SIN3B: variants seen among roughly 807,000 people sequenced by gnomAD.
The protein encoded by SIN3B is paired amphipathic helix protein Sin3b.
In SIN3B, 19 loss-of-function variants were observed where a neutral mutation model predicts 120.2. The observed-to-expected ratio is 0.16, with a 90% confidence interval of 0.11 to 0.23. SIN3B has a LOEUF of 0.23. Ranked by LOEUF, SIN3B falls within the 10% of genes least tolerant of loss-of-function variation. The probability of loss-of-function intolerance (pLI) is 1.00; values close to 1 mark genes in which losing one functional copy is unlikely to be tolerated. For synonymous variants in SIN3B, 654 were observed against 653.2 expected (o/e 1.00, Z -0.02); for missense variants, 1,073 against 1,573.0 (o/e 0.68, Z 5.38).
At chr19:16,829,717 C>T in intron 1 of SIN3B, 74 bp from the exon 2 acceptor site, 18 of 1,366,786 alleles carry the variant, frequency 1.3e-5, no homozygotes, top group Non-Finnish European at 1.7e-5. Flanking sequence ...CCATCCCCTT[C>T]CCCTCAGGGA....
chr19:16,841,606 G>T (rs530693756), intron 3 of SIN3B, among the ~76,000 whole-genome samples, 162 bp from the exon 4 acceptor site: 2 of 152,224 alleles, frequency 1.3e-5, no homozygotes, highest in South Asian at 4.1e-4. Context: ...ACCCCGCCCT[G>T]CTTGCCTCCA....
At chr19:16,835,688 T>A (rs1252979365) in intron 3 of SIN3B, among the ~76,000 whole-genome samples, 1 of 151,888 alleles carries the variant, frequency 6.6e-6, no homozygotes, top group Non-Finnish European at 1.5e-5. Flanking sequence ...CCCAGCTAAT[T>A]TTTGTATTTT....
rs1971696343 is a variant in SIN3B at position 16,862,041 on chromosome 19, G to A, written c.1059-311G>A. On this transcript the variant is annotated intron_variant, in intron 8 of 18. Transcript: ENST00000248054. This position sits in a 1 kb window ranked among gnomAD's most constrained non-coding sequence, Gnocchi z 4.7. ...GCCTCTTCCAGTCAGGGAACATCAGGGGTTCCAGCTTCTGCCAGTTTAAGT... is the reference window on the plus strand; with the variant it reads ...GCCTCTTCCAGTCAGGGAACATCAGAGGTTCCAGCTTCTGCCAGTTTAAGT... Among the ~76,000 whole-genome samples the A allele has an allele frequency of 6.6e-6, 1 of 152,196 alleles. No homozygotes were observed. Among genetic ancestry groups the A allele is most frequent in the Non-Finnish European group, 1.5e-5 (1 of 68,042 alleles).
intron 7 of SIN3B, 93 bp from the exon 8 acceptor site, chr19:16,854,050 T>G: frequency 1.2e-6 from 1 of 827,910 alleles, no homozygotes; most frequent in Admixed American, 2.3e-5. Context: ...TTGGTTCCCA[T>G]ATCGCACACC....
rs1355140544 is a variant in SIN3B, at chr19:16,829,659, C to A, written c.120+119C>A. On this transcript the variant is annotated intron_variant, in intron 1 of 18. Transcript: ENST00000248054. Reference sequence around the variant, plus strand: ...CCTCGGCCTCCCCTCTGCACTGCCCCGGACCCCTCACCCCTCACCTCTCAC... The same window carrying A: ...CCTCGGCCTCCCCTCTGCACTGCCCAGGACCCCTCACCCCTCACCTCTCAC... 3.2e-6 allele frequency: 4 copies of A among 1,267,544 alleles called. No homozygotes were observed. The Admixed American group carries it at 1.0e-4, about 33-fold the overall frequency. 78.5% of individuals were successfully genotyped at this position (1,267,544 alleles called of 1,614,324 possible).
At position 16,879,535 on chromosome 19, in the gene SIN3B, C is replaced by T. The variant is rs3184577; in HGVS notation, c.*808C>T. On this transcript the variant is annotated 3_prime_UTR_variant, in exon 19 of 19. Transcript: ENST00000248054. ...GGCACCCTAGGCGTATGTGTATACA[C>T]GCACAGATATTTATTCCTTTCGCTT... The T allele has an allele frequency of 0.12, 18,253 of 152,286 alleles. 1,411 individuals carry two copies. Among genetic ancestry groups the T allele is most frequent in the East Asian group, 0.26 (1,367 of 5,164 alleles). 9.4% of individuals were successfully genotyped at this position (152,286 alleles called of 1,614,324 possible).
intron 4 of SIN3B, among the ~76,000 whole-genome samples, chr19:16,842,513 C>A (rs1224248478): frequency 6.6e-6 from 1 of 151,540 alleles, no homozygotes; most frequent in Non-Finnish European, 1.5e-5. Flanking sequence ...CTCAAGCGAT[C>A]CTCCTGCCTC....
chr19:16,875,947 C>G, intron 14 of SIN3B, 108 bp from the exon 15 acceptor site: 2 of 1,302,330 alleles, frequency 1.5e-6, no homozygotes, highest in Non-Finnish European at 2.1e-6. Flanking sequence ...CTGTGTCATG[C>G]ACTCTCCATC....
At chr19:16,833,005 G>A (rs761164369) in intron 3 of SIN3B, among the ~76,000 whole-genome samples, 16 of 152,166 alleles carry the variant, frequency 1.1e-4, no homozygotes, top group Admixed American at 2.0e-4. Context: ...GATCTGTAGC[G>A]TGTACCTACC....
At chr19:16,843,310 T>G (rs1971441355) in intron 4 of SIN3B, among the ~76,000 whole-genome samples, 2 of 152,200 alleles carry the variant, frequency 1.3e-5, no homozygotes, top group South Asian at 4.1e-4. Flanking sequence ...AGCCTTGACA[T>G]GTCGAGTCAA....
chr19:16,856,144 T>C (rs1162720642), intron 8 of SIN3B, among the ~76,000 whole-genome samples: 1 of 152,138 alleles, frequency 6.6e-6, no homozygotes, highest in Non-Finnish European at 1.5e-5. Flanking sequence ...TTCTAACCTC[T>C]GGTGGCCAGG....
chr19:16,853,296 C>A, intron 7 of SIN3B, 138 bp downstream of exon 7: 1 of 733,348 alleles, frequency 1.4e-6, no homozygotes, highest in Non-Finnish European at 2.3e-6. Context: ...GCGGGGCTGG[C>A]CCCCAGCTTT....
intron 5 of SIN3B, among the ~76,000 whole-genome samples, chr19:16,848,432 T>G (rs956240656): frequency 3.3e-5 from 5 of 152,106 alleles, no homozygotes; most frequent in South Asian, 2.1e-4. Flanking sequence ...CCAGGTTTTT[T>G]TTTTTTTTTT....
At chr19:16,832,663 G>C (rs1231111112) in intron 3 of SIN3B, among the ~76,000 whole-genome samples, 1 of 151,942 alleles carries the variant, frequency 6.6e-6, no homozygotes, top group Non-Finnish European at 1.5e-5. Context: ...ACCACGGCCA[G>C]CTAATTTATT....
rs1971773373 is a variant in SIN3B, at chr19:16,866,388, A to G, written c.1638A>G (p.Glu546=). Residue 546 remains glutamate, a synonymous_variant, in exon 12 of 19, where the codon GAA becomes GAG. Transcript: ENST00000248054. The part of the protein sequence containing the change: ...PVVLKRLKAK[E]EEWREAQQGF... ...CCCCCCGCAGACTGAAGGCCAAGGA[A>G]GAGGAGTGGCGGGAGGCCCAGCAGG... The G allele has an allele frequency of 1.9e-6, 3 of 1,612,758 alleles. No homozygotes were observed. The highest frequency in any genetic ancestry group is 1.1e-5 in the South Asian group (1 of 91,028).
At chr19:16,838,106 A>T (rs1024056766) in intron 3 of SIN3B, among the ~76,000 whole-genome samples, 2 of 152,210 alleles carry the variant, frequency 1.3e-5, no homozygotes, top group Non-Finnish European at 2.9e-5. Flanking sequence ...AGAGCAGCAC[A>T]GTCGGCAAAT....
chr19:16,858,250 A>G (rs546325322), intron 8 of SIN3B, among the ~76,000 whole-genome samples: 20 of 151,988 alleles, frequency 1.3e-4, no homozygotes, highest in African/African-American at 3.9e-4. Context: ...AGTCCTTACT[A>G]TTTTTGTCCT....
chr19:16,859,066 G>A (rs1023895010), intron 8 of SIN3B, among the ~76,000 whole-genome samples: 1 of 152,126 alleles, frequency 6.6e-6, no homozygotes, highest in Non-Finnish European at 1.5e-5. Flanking sequence ...TGGCTGGATC[G>A]CTTGAGTTTT....
chr19:16,864,837 ATTT>A (rs1179728493), intron 10 of SIN3B, among the ~76,000 whole-genome samples: 1 of 142,144 alleles, frequency 7.0e-6, no homozygotes, highest in South Asian at 2.3e-4. Context: ...CAAAAAAAAA[ATTT>A]TTTTTTTTTT....
Sources: allele counts gnomAD v4.1 joint callset (sites outside exome capture counted in the v4.1 genomes callset), GRCh38; gene constraint gnomAD v4.1.1; non-coding constraint Gnocchi (gnomAD v3.1); transcripts MANE v1.5; gene names NCBI Gene and HGNC (gene_info 2026-07-23, HGNC 2026-07-21).